The following IFT74 variants were observed in gnomAD, a reference collection of about 807,000 sequenced individuals.
IFT74 encodes intraflagellar transport 74, also known as intraflagellar transport protein 74 homolog.
In IFT74, 92 loss-of-function variants were observed where a neutral mutation model predicts 96.7. The ratio of observed to expected loss-of-function variants is 0.95; its 90% CI spans 0.80 to 1.13. The LOEUF is 1.13. Ranked by LOEUF, IFT74 falls within the 50% of genes most tolerant of loss-of-function variation. The pLI, the probability that IFT74 is intolerant of heterozygous loss-of-function variation, is 0.00. For synonymous variants in IFT74, 223 were observed against 213.2 expected (o/e 1.05, Z -0.40); for missense variants, 811 against 698.2 (o/e 1.16, Z -1.82).
Position 27,065,576 on chromosome 9 carries a change from C to A in IFT74, c.*2840C>A, listed in dbSNP as rs1462817596. ...ATATTCTTTTTCCTGTGGAGCCCCT[C>A]GTTTGGACAATACTATAGTCTCATT... On this transcript the variant is annotated 3_prime_UTR_variant, in exon 20 of 20. Coordinates refer to ENST00000380062, the MANE Select transcript of IFT74 (RefSeq NM_025103.4). Among the ~76,000 whole-genome samples, 1 of 152,098 alleles carries A rather than the reference C, an allele frequency of 6.6e-6. No homozygotes were observed. The highest frequency in any genetic ancestry group is 1.5e-5 in the Non-Finnish European group (1 of 68,022).
intron 8 of IFT74, among the ~76,000 whole-genome samples, chr9:27,002,334 C>G (rs562478065): frequency 4.6e-5 from 7 of 152,336 alleles, no homozygotes; most frequent in Admixed American, 1.3e-4. Context: ...TTTGTGTGAG[C>G]AACATGGCTG....
rs559925426 is a variant in IFT74, at chr9:27,006,636, A to T, written c.588-2384A>T. ...GAGGGAGAGGGAAAGAGAGAGAGAG[A>T]GAGAAGAGAAGAGAGAGGAGGGGGA... On this transcript the variant is annotated intron_variant, in intron 8 of 19. Coordinates refer to ENST00000380062, the MANE Select transcript of IFT74 (RefSeq NM_025103.4). 5.9e-5 allele frequency among the ~76,000 whole-genome samples: 8 copies of T among 135,388 alleles called. No individual in the cohort carries two copies. The South Asian group carries it at 2.1e-3, about 35-fold the overall frequency. The allele number at this position is 135,388 out of a possible 152,430, so 88.8% of individuals were successfully genotyped here.
chr9:26,998,133 T>C (rs1232676334), intron 8 of IFT74: 1 of 1,611,414 alleles, frequency 6.2e-7, no homozygotes, highest in Admixed American at 1.7e-5. Context: ...CTTGTGTCTG[T>C]ACCATTAAGA....
chr9:27,038,863 G>T (rs1441453967), intron 13 of IFT74, among the ~76,000 whole-genome samples: 1 of 152,152 alleles, frequency 6.6e-6, no homozygotes, highest in Non-Finnish European at 1.5e-5. Context: ...TCACCTGAGG[G>T]ATAGCAACAT....
chr9:27,020,013 T>C (rs889362718), intron 12 of IFT74, among the ~76,000 whole-genome samples: 1 of 151,736 alleles, frequency 6.6e-6, no homozygotes, highest in Non-Finnish European at 1.5e-5. Flanking sequence ...TCCCAGTTTG[T>C]CGCCCAGGCT....
intron 4 of IFT74, chr9:26,983,755 T>C (rs1006222096): frequency 3.3e-5 from 5 of 151,388 alleles, no homozygotes; most frequent in African/African-American, 7.3e-5. Flanking sequence ...TTGAGTAGAA[T>C]AGGATGGGAT....
At position 26,948,448 on chromosome 9, in the gene IFT74, A is replaced by ATTTTTTTTTTTT. The variant is rs71841244; in HGVS notation, c.-20+1331_-20+1342dup. Among the ~76,000 whole-genome samples the ATTTTTTTTTTTT allele has an allele frequency of 2.4e-3, 139 of 59,096 alleles. 11 individuals carry two copies. The highest frequency in any genetic ancestry group is 4.3e-3 in the Non-Finnish European group (112 of 26,036). 38.8% of individuals were successfully genotyped at this position (59,096 alleles called of 152,430 possible). On this transcript the variant is annotated intron_variant, in intron 1 of 19. Coordinates refer to the IFT74 transcript ENST00000433700. ...TGACAACCTGTGATGGCTTTCCATT[A>ATTTTTTTTTTTT]TTTTTTTTTTTTTTTTTTTTTTTTT...
chr9:27,002,481 G>A (rs1057464848), intron 8 of IFT74, among the ~76,000 whole-genome samples: 8 of 152,224 alleles, frequency 5.3e-5, no homozygotes, highest in Non-Finnish European at 1.0e-4. Flanking sequence ...GCAAGAGATA[G>A]GGGTCTGGTT....
chr9:27,031,596 C>CT (rs1830125844), intron 13 of IFT74, among the ~76,000 whole-genome samples: 3 of 136,604 alleles, frequency 2.2e-5, no homozygotes, highest in Admixed American at 7.8e-5. Context: ...TAACTTTACT[C>CT]ATTTTTTTTT....
At position 27,009,167 on chromosome 9, in the gene IFT74, A is replaced by C; in HGVS notation, c.726+9A>C. The C allele has an allele frequency of 6.2e-7, 1 of 1,609,030 alleles. No individual in the cohort carries two copies. The highest frequency in any genetic ancestry group is 1.1e-5 in the South Asian group (1 of 90,312). ...ATGAGAAACTGTTACAGGTAATACA[A>C]ATTACTGCTGTGTGCCAAGCATGTA... On this transcript the variant is annotated intron_variant, in intron 9 of 19. Coordinates refer to ENST00000380062, the MANE Select transcript of IFT74 (RefSeq NM_025103.4).
At chr9:27,030,709 G>A (rs1437538730) in intron 13 of IFT74, among the ~76,000 whole-genome samples, 1 of 152,120 alleles carries the variant, frequency 6.6e-6, no homozygotes, top group African/African-American at 2.4e-5. Flanking sequence ...GAGTATTATT[G>A]GCAGATGTCA....
rs71841244 is a variant in IFT74 at position 26,948,448 on chromosome 9, A to ATTTTTTTTTTTTTTTTTTTTTT, written c.-20+1321_-20+1342dup. On this transcript the variant is annotated intron_variant, in intron 1 of 19. Transcript: ENST00000433700. ...TGACAACCTGTGATGGCTTTCCATTATTTTTTTTTTTTTTTTTTTTTTTTT... is the reference window on the plus strand; with the variant it reads ...TGACAACCTGTGATGGCTTTCCATTATTTTTTTTTTTTTTTTTTTTTTTTTTTTTTTTTTTTTTTTTTTTTTT... 5.1e-5 allele frequency among the ~76,000 whole-genome samples: 3 copies of ATTTTTTTTTTTTTTTTTTTTTT among 59,164 alleles called. 1 individual carries two copies. The highest frequency in any genetic ancestry group is 1.2e-4 in the Non-Finnish European group (3 of 26,082). The allele number at this position is 59,164 out of a possible 152,430, so 38.8% of individuals were successfully genotyped here.
At chr9:27,017,189 T>C (rs1328806346) in intron 11 of IFT74, 139 bp downstream of exon 11, 1 of 508,648 alleles carries the variant, frequency 2.0e-6, no homozygotes, top group Admixed American at 3.7e-5. Flanking sequence ...AAGAAATGAC[T>C]TTTTAATCTA....
intron 13 of IFT74, among the ~76,000 whole-genome samples, chr9:27,034,671 G>A (rs1234551319): frequency 6.6e-6 from 1 of 152,184 alleles, no homozygotes. Flanking sequence ...TGGGATTACA[G>A]GCATGCGCCA....
At chr9:26,949,382 A>G (rs1237259715) in intron 1 of IFT74, among the ~76,000 whole-genome samples, 1 of 152,234 alleles carries the variant, frequency 6.6e-6, no homozygotes, top group Non-Finnish European at 1.5e-5. Flanking sequence ...CAATGTAAAC[A>G]GTAAAATGAA....
intron 8 of IFT74, chr9:26,994,209 CAGTTTAGCTTAGTAA>C (rs1343393590): frequency 6.6e-6 from 1 of 152,092 alleles, no homozygotes; most frequent in Non-Finnish European, 1.5e-5. Flanking sequence ...AATCAGAGAG[CAGTTTAGCTTAGTAA>C]AGTTTTACAT....
intron 2 of IFT74, among the ~76,000 whole-genome samples, chr9:26,974,378 C>T (rs1380280842): frequency 6.6e-6 from 1 of 152,142 alleles, no homozygotes; most frequent in Non-Finnish European, 1.5e-5. Context: ...GGAGCTTAAA[C>T]ATACCCGGCC....
At chr9:26,988,859 A>G in intron 7 of IFT74, 131 bp downstream of exon 7, 1 of 822,810 alleles carries the variant, frequency 1.2e-6, no homozygotes, top group South Asian at 2.9e-5. Context: ...TGTAAATACC[A>G]CTATTAGGTA....
intron 18 of IFT74, among the ~76,000 whole-genome samples, chr9:27,057,134 C>T (rs1036904423): frequency 2.0e-5 from 3 of 152,044 alleles, no homozygotes; most frequent in African/African-American, 7.2e-5. Context: ...AATTCCCTTT[C>T]GTTGGATATT....
Sources: gnomAD v4.1 joint callset for allele counts (sites outside exome capture counted in the v4.1 genomes callset) on GRCh38, gnomAD v4.1.1 for gene constraint, MANE v1.5 for transcripts, NCBI Gene and HGNC (gene_info 2026-07-23, HGNC 2026-07-21) for gene names.